DPP6: variants seen among roughly 807,000 people sequenced by gnomAD.
The protein encoded by DPP6 is dipeptidyl peptidase like 6.
In DPP6, 69 loss-of-function variants were observed where a neutral mutation model predicts 122.6. The observed-to-expected ratio is 0.56, with a 90% CI of 0.46 to 0.69. The LOEUF (loss-of-function observed/expected upper bound fraction) is 0.69, where lower values mean the gene tolerates loss of function less well. Ranked by LOEUF, DPP6 falls within the 30% of genes least tolerant of loss-of-function variation. The pLI is 0.00. For missense variants in DPP6, 928 were observed against 1,116.9 expected (o/e 0.83, Z 2.41); for synonymous variants, 418 against 433.1 (o/e 0.97, Z 0.43).
At chr7:154,078,667 T>G (rs1221802840) in intron 1 of DPP6, among the ~76,000 whole-genome samples, 2 of 152,140 alleles carry the variant, frequency 1.3e-5, no homozygotes, top group Non-Finnish European at 2.9e-5. Context: ...GGGGATTTTT[T>G]TTGTTGTTGT....
chr7:154,887,524 T>A (rs893186457), intron 22 of DPP6, among the ~76,000 whole-genome samples, 152 bp from the exon 23 acceptor site: 8 of 152,118 alleles, frequency 5.3e-5, no homozygotes, highest in Non-Finnish European at 1.2e-4. Flanking sequence ...GTGGTGTTTT[T>A]AAAAAACCAA....
At chr7:154,704,746 A>G (rs997628859) in intron 7 of DPP6, among the ~76,000 whole-genome samples, 4 of 152,246 alleles carry the variant, frequency 2.6e-5, no homozygotes, top group Admixed American at 6.5e-5. Flanking sequence ...ACTTTTGCAC[A>G]GTTACTAATC....
chr7:153,871,464 A>G, the DPP6 span, among the ~76,000 whole-genome samples: 14 of 152,162 alleles, frequency 9.2e-5, no homozygotes, highest in African/African-American at 3.4e-4. Flanking sequence ...TGCGGGATAT[A>G]ATCTCCTGGT....
intron 8 of DPP6, among the ~76,000 whole-genome samples, chr7:154,732,947 C>G (rs1842408264): frequency 6.6e-6 from 1 of 152,194 alleles, no homozygotes; most frequent in Non-Finnish European, 1.5e-5. Flanking sequence ...CAACAATACT[C>G]ACTTCTGCTC....
chr7:153,994,107 G>C (rs1205455090), intron 1 of DPP6, among the ~76,000 whole-genome samples: 1 of 151,658 alleles, frequency 6.6e-6, no homozygotes, highest in Non-Finnish European at 1.5e-5. Flanking sequence ...TGACCTCTCT[G>C]GTTGAGTGAT....
At chr7:154,592,481 C>G (rs1586699035) in intron 5 of DPP6, among the ~76,000 whole-genome samples, 1 of 152,192 alleles carries the variant, frequency 6.6e-6, no homozygotes, top group Non-Finnish European at 1.5e-5. Context: ...CGGGGAAGCC[C>G]CTGCGCTCGT....
At chr7:154,250,372 A>T (rs117529650) in intron 1 of DPP6, among the ~76,000 whole-genome samples, 5,368 of 152,120 alleles carry the variant, frequency 0.035, 129 homozygotes, top group South Asian at 0.1. Flanking sequence ...CCCCATGTCA[A>T]CACCTGCAGT....
intron 3 of DPP6, among the ~76,000 whole-genome samples, chr7:154,514,573 A>G (rs1300076129): frequency 6.6e-6 from 1 of 151,994 alleles, no homozygotes; most frequent in African/African-American, 2.4e-5. Flanking sequence ...TGCACCCACC[A>G]TTCTACTTCC....
the DPP6 span, among the ~76,000 whole-genome samples, chr7:153,761,406 C>T: frequency 6.6e-5 from 10 of 152,348 alleles, no homozygotes; most frequent in South Asian, 2.1e-3. Context: ...AACCCATACT[C>T]TGCATATCTG....
intron 1 of DPP6, among the ~76,000 whole-genome samples, chr7:154,371,045 G>A (rs1812608736): frequency 6.6e-6 from 1 of 152,180 alleles, no homozygotes; most frequent in South Asian, 2.1e-4. Context: ...GGAGGTTTTA[G>A]CTTTCTGCCA....
chr7:153,770,787 G>C, the DPP6 span, among the ~76,000 whole-genome samples: 10 of 152,152 alleles, frequency 6.6e-5, no homozygotes, highest in Admixed American at 2.0e-4. Flanking sequence ...CTCAAGACAG[G>C]AATCAATGGA....
the DPP6 span, among the ~76,000 whole-genome samples, chr7:153,750,288 ATGATT>A: frequency 2.0e-5 from 3 of 152,140 alleles, no homozygotes; most frequent in East Asian, 3.9e-4. Flanking sequence ...TGTTCTCACT[ATGATT>A]TGAGTAGTTA....
At chr7:154,634,008 T>TTC (rs1480115017) in intron 5 of DPP6, among the ~76,000 whole-genome samples, 1 of 151,296 alleles carries the variant, frequency 6.6e-6, no homozygotes. Flanking sequence ...TTCTTTTTTT[T>TTC]TTCTTTTTTT....
chr7:154,787,534 C>T lies in DPP6; in HGVS notation c.1137-6545C>T, dbSNP rs560355775. Among the ~76,000 whole-genome samples the T allele has an allele frequency of 2.9e-4, 44 of 152,322 alleles. No homozygotes were observed. In the Middle Eastern group the frequency reaches 0.02, roughly 71 times the overall value. ...TTATTAGCAACTTTAAAAAATAAATCCCCTGTCCCTATGCTTCCTTTTTAA... is the reference window on the plus strand; with the variant it reads ...TTATTAGCAACTTTAAAAAATAAATTCCCTGTCCCTATGCTTCCTTTTTAA... On this transcript the variant is annotated intron_variant, in intron 10 of 25. Coordinates refer to ENST00000377770, the MANE Select transcript of DPP6 (RefSeq NM_130797.4).
At chr7:153,770,888 A>G in the DPP6 span, among the ~76,000 whole-genome samples, 3 of 152,192 alleles carry the variant, frequency 2.0e-5, no homozygotes, top group Non-Finnish European at 4.4e-5. Context: ...AAATATAAAG[A>G]TGGATTAATA....
rs368895866 is a variant in DPP6, at chr7:154,587,952, T to G, written c.627+21036T>G. ...CCAATGGCACCAGGCTTCGCAGCCA[T>G]GCACCTGCAGCCCTCAGGCAGCACT... is the stretch of plus-strand genomic sequence containing the variant. On this transcript the variant is annotated intron_variant, in intron 5 of 25. Coordinates refer to ENST00000377770, the MANE Select transcript of DPP6 (RefSeq NM_130797.4). 8 of 1,612,818 alleles carry G rather than the reference T, an allele frequency of 5.0e-6. No homozygotes were observed. The African/African-American group carries it at 9.3e-5, about 19-fold the overall frequency.
intron 1 of DPP6, among the ~76,000 whole-genome samples, chr7:154,365,356 A>T (rs1222449730): frequency 6.6e-6 from 1 of 152,148 alleles, no homozygotes; most frequent in Non-Finnish European, 1.5e-5. Flanking sequence ...TTTAGTAGAG[A>T]CCATAAAATC....
intron 1 of DPP6, among the ~76,000 whole-genome samples, chr7:153,984,645 G>A (rs1302853052): frequency 6.6e-6 from 1 of 152,102 alleles, no homozygotes; most frequent in Non-Finnish European, 1.5e-5. Flanking sequence ...AGGAGAGGGA[G>A]ATCCAGACAG....
intron 1 of DPP6, among the ~76,000 whole-genome samples, chr7:154,335,336 C>G (rs1035215532): frequency 1.3e-5 from 2 of 152,166 alleles, no homozygotes; most frequent in African/African-American, 4.8e-5. Context: ...AAAACAAACT[C>G]TCAATGCCAC....
Sources: gnomAD v4.1 joint callset for allele counts (sites outside exome capture counted in the v4.1 genomes callset) on GRCh38, gnomAD v4.1.1 for gene constraint, MANE v1.5 for transcripts, NCBI Gene and HGNC (gene_info 2026-07-23, HGNC 2026-07-21) for gene names.